RAB3GAP2: variants seen among roughly 807,000 people sequenced by gnomAD.
RAB3GAP2 encodes RAB3 GTPase activating non-catalytic protein subunit 2, also known as rab3 GTPase-activating protein non-catalytic subunit.
RAB3GAP2 carries 87 observed loss-of-function variants against 185.3 expected under a neutral mutation model. That is an observed-to-expected ratio of 0.47 (90% CI 0.39 to 0.56). The LOEUF (loss-of-function observed/expected upper bound fraction) is 0.56, where lower values mean the gene tolerates loss of function less well. Among genes scored for constraint, RAB3GAP2 ranks in the 20% least tolerant of loss-of-function variants. RAB3GAP2 has a pLI of 0.00. For missense variants in RAB3GAP2, 1,492 were observed against 1,638.2 expected, an observed-to-expected ratio of 0.91 and a Z score of 1.54; for synonymous variants, 554 against 576.1, an observed-to-expected ratio of 0.96 and a Z score of 0.55.
intron 1 of RAB3GAP2, among the ~76,000 whole-genome samples, chr1:220,234,297 T>C (rs1178569604): frequency 1.3e-5 from 2 of 152,000 alleles, no homozygotes; most frequent in Non-Finnish European, 2.9e-5. Flanking sequence ...ATTTAAAAGA[T>C]GGGACTGATC....
chr1:220,249,151 G>A (rs958357150), intron 1 of RAB3GAP2, among the ~76,000 whole-genome samples: 1 of 152,172 alleles, frequency 6.6e-6, no homozygotes, highest in Non-Finnish European at 1.5e-5. Flanking sequence ...ACAGTTTAGA[G>A]GGCTCAGAAG....
At chr1:220,160,139 A>T (rs535003985) in intron 28 of RAB3GAP2, among the ~76,000 whole-genome samples, 1 of 152,132 alleles carries the variant, frequency 6.6e-6, no homozygotes, top group East Asian at 1.9e-4. Context: ...AGAAAGGAAA[A>T]CCACTCTAAA....
At chr1:220,214,001 C>T (rs774327700) in intron 2 of RAB3GAP2, 22 bp from the exon 3 acceptor site, 85 of 1,612,070 alleles carry the variant, frequency 5.3e-5, no homozygotes, top group Non-Finnish European at 6.4e-5. Context: ...ACTACAATTA[C>T]TGCATATGCA....
intron 13 of RAB3GAP2, among the ~76,000 whole-genome samples, chr1:220,193,007 A>G (rs1411005018): frequency 6.6e-6 from 1 of 152,226 alleles, no homozygotes; most frequent in Non-Finnish European, 1.5e-5. Context: ...GAGAATTGAA[A>G]GAAAGTGCAA....
At chr1:220,266,798 A>G in intron 1 of RAB3GAP2, 1 of 1,594,778 alleles carries the variant, frequency 6.3e-7, no homozygotes, top group South Asian at 1.1e-5. Context: ...TTCTCTGAGC[A>G]TTGGCCTCTG....
At chr1:220,255,529 C>A (rs1660018600) in intron 1 of RAB3GAP2, among the ~76,000 whole-genome samples, 1 of 152,130 alleles carries the variant, frequency 6.6e-6, no homozygotes, top group African/African-American at 2.4e-5. Context: ...AGCTAAGAAT[C>A]ATGATCAAAC....
At position 220,196,127 on chromosome 1, in the gene RAB3GAP2, A is replaced by C. The variant is rs1658718312; in HGVS notation, c.960+123T>G. On this transcript the variant is annotated intron_variant, in intron 10 of 34. Coordinates refer to ENST00000358951, the MANE Select transcript of RAB3GAP2 (RefSeq NM_012414.4). ...GCTAGTTGAGATTAATTTTAGTTTC[A>C]ATTGAAATTTAGAAATGTAAACTGC... 6 of 1,106,730 alleles carry C rather than the reference A, an allele frequency of 5.4e-6. No homozygotes were observed. In the Admixed American group the frequency reaches 1.2e-4, roughly 23 times the overall value. 68.6% of individuals were successfully genotyped at this position (1,106,730 alleles called of 1,614,324 possible).
intron 3 of RAB3GAP2, 126 bp from the exon 4 acceptor site, chr1:220,213,094 T>G: frequency 3.1e-6 from 2 of 643,182 alleles, no homozygotes; most frequent in South Asian, 4.3e-5. Context: ...TTAACTGACT[T>G]GGGTCTTTTT....
rs560510647 is a variant in RAB3GAP2 at position 220,178,183 on chromosome 1, T to C, written c.2310+4074A>G. On this transcript the variant is annotated intron_variant, in intron 21 of 34. Transcript: ENST00000358951. ...GAAAAAAACTGCCACCTAAAAATACTGTACGTGGCAAAGTTATTCCTTAGA... is the reference window on the plus strand; with the variant it reads ...GAAAAAAACTGCCACCTAAAAATACCGTACGTGGCAAAGTTATTCCTTAGA... Among the ~76,000 whole-genome samples the C allele has an allele frequency of 1.6e-3, 239 of 152,288 alleles. 2 individuals are homozygous for C. The highest frequency in any genetic ancestry group is 5.6e-3 in the African/African-American group (234 of 41,574).
At chr1:220,196,473 A>G (rs1658726866) in intron 9 of RAB3GAP2, 75 bp from the exon 10 acceptor site, 1 of 1,362,276 alleles carries the variant, frequency 7.3e-7, no homozygotes, top group East Asian at 2.3e-5. Context: ...GTTCCATTCT[A>G]AGATGCTAAA....
intron 8 of RAB3GAP2, among the ~76,000 whole-genome samples, chr1:220,205,638 C>G (rs571258224): frequency 1.3e-5 from 2 of 152,176 alleles, no homozygotes; most frequent in Non-Finnish European, 1.5e-5. Context: ...CCAAGACATA[C>G]TGCTGAATTC....
At chr1:220,240,203 T>C (rs1659665762) in intron 1 of RAB3GAP2, among the ~76,000 whole-genome samples, 1 of 152,180 alleles carries the variant, frequency 6.6e-6, no homozygotes, top group Non-Finnish European at 1.5e-5. Context: ...AGGAGACGTT[T>C]AGGAGATGTT....
At chr1:220,167,773 AC>A in intron 24 of RAB3GAP2, 98 bp from the exon 25 acceptor site, 1 of 1,269,628 alleles carries the variant, frequency 7.9e-7, no homozygotes, top group Non-Finnish European at 1.1e-6. Context: ...TCTAAGTGCC[AC>A]ATTCATTTCT....
At chr1:220,165,830 G>A (rs150237648) in intron 26 of RAB3GAP2, among the ~76,000 whole-genome samples, 202 of 152,248 alleles carry the variant, frequency 1.3e-3, no homozygotes, top group African/African-American at 4.7e-3. Context: ...TTCAGAAACC[G>A]TGTGCTATGA....
At chr1:220,175,544 T>C (rs529283819) in intron 21 of RAB3GAP2, among the ~76,000 whole-genome samples, 50 of 152,328 alleles carry the variant, frequency 3.3e-4, no homozygotes, top group African/African-American at 1.0e-3. Flanking sequence ...AACATACCTA[T>C]AGATTTAATG....
chr1:220,170,122 C>T lies in RAB3GAP2; in HGVS notation c.2806+770G>A, dbSNP rs546517251. 5.9e-5 allele frequency among the ~76,000 whole-genome samples: 9 copies of T among 152,240 alleles called. No homozygotes were observed. The South Asian group carries it at 1.9e-3, about 32-fold the overall frequency. ...GATGAGTTCATGTCCTTTGCAGAGA[C>T]ATAGATGAAGCTGGAAACCGTCATT... On this transcript the variant is annotated intron_variant, in intron 24 of 34. Coordinates refer to ENST00000358951, the MANE Select transcript of RAB3GAP2 (RefSeq NM_012414.4).
At position 220,246,846 on chromosome 1, in the gene RAB3GAP2, A is replaced by G. The variant is rs558860852; in HGVS notation, c.116-13983T>C. Among the ~76,000 whole-genome samples, 401 of 150,608 alleles carry G rather than the reference A, an allele frequency of 2.7e-3. 1 individual carries two copies. The highest frequency in any genetic ancestry group is 5.2e-3 in the Non-Finnish European group (353 of 67,668). ...GATGACGAGTTAGTGGGTGCAGCGC[A>G]CCAGCATGGCACATGTATACATATG... On this transcript the variant is annotated intron_variant, in intron 1 of 34. Transcript: ENST00000358951.
At position 220,153,400 on chromosome 1, in the gene RAB3GAP2, A is replaced by G; in HGVS notation, c.3652T>C (p.Leu1218=). The G allele has an allele frequency of 6.2e-7, 1 of 1,613,848 alleles. No individual in the cohort carries two copies. The highest frequency in any genetic ancestry group is 8.5e-7 in the Non-Finnish European group (1 of 1,179,704). The part of the protein sequence containing the change: ...NFISVRQQFL[L]KVVSAAVQAQ... ...TGGACAGCTGCACTGACAACTTTCA[A>G]TAAGAACTTGAAAATGGAGAAAGAG... Residue 1218 remains leucine, a synonymous_variant, in exon 33 of 35, where the codon TTG becomes CTG. Transcript: ENST00000358951.
rs747391273 is a variant in RAB3GAP2 at position 220,182,768 on chromosome 1, T to C, written c.2162A>G (p.Lys721Arg). The change falls in exon 20 of 35, where the codon AAG (lysine) becomes AGG (arginine). Residue 721 changes from lysine (K) to arginine (R), a missense_variant. Physicochemically the swap from Lys to Arg is conservative, Grantham distance 26 (BLOSUM62 2). Transcript: ENST00000358951. ...TATTTTCTTTATGTTGAGCACATCC[T>C]TTTCATATTCTAAATATTCCAAGAA... ...KTFLEYLEYE[K>R]DVLNIKKISE... is the part of the protein sequence containing the mutation. 9.3e-6 allele frequency: 15 copies of C among 1,612,182 alleles called. No homozygotes were observed. The highest frequency in any genetic ancestry group is 1.1e-5 in the Non-Finnish European group (13 of 1,179,656).
Sources: gnomAD v4.1 joint callset for allele counts (sites outside exome capture counted in the v4.1 genomes callset) on GRCh38, gnomAD v4.1.1 for gene constraint, MANE v1.5 for transcripts, NCBI Gene and HGNC (gene_info 2026-07-23, HGNC 2026-07-21) for gene names.